Variants in COX7A2L observed in about 807,000 individuals in gnomAD.
The protein encoded by COX7A2L is cytochrome c oxidase subunit 7A2-like, mitochondrial.
COX7A2L carries 18 observed loss-of-function variants against 14.2 expected under a neutral mutation model. The ratio of observed to expected loss-of-function variants is 1.27; its 90% CI spans 0.88 to 1.88. The LOEUF is 1.88. Ranked by LOEUF, COX7A2L falls within the 40% of genes most tolerant of loss-of-function variation. The pLI, the probability that COX7A2L is intolerant of heterozygous loss-of-function variation, is 0.00. For synonymous variants in COX7A2L, 65 were observed against 57.4 expected, an observed-to-expected ratio of 1.13 and a Z score of -0.60; for missense variants, 179 against 138.8, an observed-to-expected ratio of 1.29 and a Z score of -1.46.
Position 42,350,851 on chromosome 2 carries a change from G to C in COX7A2L, c.*368C>G, listed in dbSNP as rs996614440. The C allele has an allele frequency of 6.3e-6, 1 of 159,756 alleles. No individual in the cohort carries two copies. The highest frequency in any genetic ancestry group is 2.4e-5 in the African/African-American group (1 of 41,668). The allele number at this position is 159,756 out of a possible 1,614,324, so 9.9% of individuals were successfully genotyped here. On this transcript the variant is annotated 3_prime_UTR_variant, in exon 3 of 3. Coordinates refer to ENST00000234301, the MANE Select transcript of COX7A2L (RefSeq NM_004718.4). ...CCTTGGCTTCTGTGTTCTTTCCATA[G>C]CCACATCCAAATCCAGAAAGGCTCC... is the stretch of plus-strand genomic sequence containing the variant.
Position 42,338,401 on chromosome 2 carries a change from T to A in COX7A2L, c.193-4532A>T, listed in dbSNP as rs1050741723. 3.3e-5 allele frequency among the ~76,000 whole-genome samples: 5 copies of A among 152,100 alleles called. No homozygotes were observed. The highest frequency in any genetic ancestry group is 9.7e-5 in the African/African-American group (4 of 41,420). On this transcript the variant is annotated intron_variant, in intron 2 of 2. Coordinates refer to the COX7A2L transcript ENST00000468711. The surrounding 1 kb of genome is among the most constrained non-coding windows in gnomAD (Gnocchi z 4.4). ...CTCTCTAGCAGAGCCCTCCCAAGAC[T>A]GCCGCAGAACTGAGATGAGGTGACC...
upstream of COX7A2L, among the ~76,000 whole-genome samples, chr2:42,363,911 G>A (rs1018755873): frequency 1.8e-4 from 27 of 152,304 alleles, no homozygotes; most frequent in African/African-American, 6.5e-4. Flanking sequence ...CATTTGTGAG[G>A]GGTGTGTGCT....
At chr2:42,354,238 G>A (rs1670744386) in intron 1 of COX7A2L, among the ~76,000 whole-genome samples, 1 of 152,114 alleles carries the variant, frequency 6.6e-6, no homozygotes, top group Admixed American at 6.5e-5. Context: ...CAACTTGTAT[G>A]CTATGTAAAT....
In COX7A2L at chr2:42,338,209, G is replaced by A. The variant is rs1017771744; in HGVS notation, c.193-4340C>T. Among the ~76,000 whole-genome samples, 4 of 152,294 alleles carry A rather than the reference G, an allele frequency of 2.6e-5. No homozygotes were observed. The South Asian group carries it at 6.2e-4, about 24-fold the overall frequency. On this transcript the variant is annotated intron_variant, in intron 2 of 2. Coordinates refer to the COX7A2L transcript ENST00000468711. The surrounding 1 kb of genome is among the most constrained non-coding windows in gnomAD (Gnocchi z 4.4). ...TCCGTGTTTCTCCCCCAGCCGCAGC[G>A]GCCAGGGAGCCGCTCCTCGTCTTGC...
In COX7A2L at chr2:42,351,037, G is replaced by C; in HGVS notation, c.*182C>G. ...TCTTTAAACAATGGCTTTAACTGTC[G>C]AATGAGCTCTGACAAGCCATATGCA... On this transcript the variant is annotated 3_prime_UTR_variant, in exon 3 of 3. Coordinates refer to ENST00000234301, the MANE Select transcript of COX7A2L (RefSeq NM_004718.4). 1.7e-6 allele frequency: 1 copy of C among 595,902 alleles called. No individual in the cohort carries two copies. The highest frequency in any genetic ancestry group is 3.1e-5 in the East Asian group (1 of 32,756). 36.9% of individuals were successfully genotyped at this position (595,902 alleles called of 1,614,324 possible). A position where few individuals can be genotyped will look rare whatever the true frequency, so the allele number is the denominator to read the frequency against.
intron 2 of COX7A2L, 116 bp from the exon 3 acceptor site, chr2:42,351,475 G>C (rs1348740098): frequency 1.7e-6 from 2 of 1,169,716 alleles, no homozygotes; most frequent in Non-Finnish European, 2.4e-6. Flanking sequence ...CATGACAGTG[G>C]GAAAAGCACT....
downstream of COX7A2L, among the ~76,000 whole-genome samples, chr2:42,346,575 C>G (rs1178925975): frequency 6.6e-6 from 1 of 152,050 alleles, no homozygotes. Flanking sequence ...GCCAGGAGTT[C>G]AAGACCAGCC....
At chr2:42,352,357 T>C (rs1572792417) in intron 2 of COX7A2L, among the ~76,000 whole-genome samples, 1 of 151,900 alleles carries the variant, frequency 6.6e-6, no homozygotes, top group Admixed American at 6.6e-5. Context: ...AGAGGCAGGG[T>C]CTCGTTATGC....
At position 42,352,848 on chromosome 2, in the gene COX7A2L, C is replaced by T. The variant is rs1036089518; in HGVS notation, c.204+364G>A. 2.2e-5 allele frequency: 6 copies of T among 270,504 alleles called. No homozygotes were observed. In the East Asian group the frequency reaches 4.2e-4, roughly 19 times the overall value. 16.8% of individuals were successfully genotyped at this position (270,504 alleles called of 1,614,324 possible). ...CAAAAAACAATGAGAAAAAAACCCACTGCCAAGTCATTACATGTGTCACGA... is the reference window on the plus strand; with the variant it reads ...CAAAAAACAATGAGAAAAAAACCCATTGCCAAGTCATTACATGTGTCACGA... On this transcript the variant is annotated intron_variant, in intron 2 of 2. Transcript: ENST00000234301.
At chr2:42,367,895 T>C (rs539398877) in intron 1 of COX7A2L, among the ~76,000 whole-genome samples, 15 of 152,348 alleles carry the variant, frequency 9.8e-5, no homozygotes, top group African/African-American at 3.6e-4. Flanking sequence ...CCGTGTCCTC[T>C]TCCCTGGCAC....
At chr2:42,355,882 C>G (rs985360701) in intron 1 of COX7A2L, among the ~76,000 whole-genome samples, 2 of 151,846 alleles carry the variant, frequency 1.3e-5, no homozygotes, top group Non-Finnish European at 2.9e-5. Context: ...CACGCCACCA[C>G]GCCCAGCTAA....
At position 42,350,933 on chromosome 2, in the gene COX7A2L, A is replaced by T; in HGVS notation, c.*286T>A. 1 of 257,466 alleles carries T rather than the reference A, an allele frequency of 3.9e-6. No individual in the cohort carries two copies. Among genetic ancestry groups the T allele is most frequent in the Non-Finnish European group, 7.4e-6 (1 of 135,376 alleles). The allele number at this position is 257,466 out of a possible 1,614,324, so 15.9% of individuals were successfully genotyped here. On this transcript the variant is annotated 3_prime_UTR_variant, in exon 3 of 3. Coordinates refer to ENST00000234301, the MANE Select transcript of COX7A2L (RefSeq NM_004718.4). ...TCCCTGAGGTCCTCAGCACAGACTG[A>T]CATTAACAAGCCTGTGTTCAGCCTT...
intron 1 of COX7A2L, among the ~76,000 whole-genome samples, chr2:42,356,873 C>T (rs753805606): frequency 1.3e-5 from 2 of 152,218 alleles, no homozygotes; most frequent in Non-Finnish European, 2.9e-5. Flanking sequence ...CTGTAGTGAG[C>T]TGTGATCACG....
chr2:42,354,004 T>G (rs557138363), intron 1 of COX7A2L, among the ~76,000 whole-genome samples: 1 of 152,250 alleles, frequency 6.6e-6, no homozygotes, highest in Admixed American at 6.5e-5. Context: ...GACCACATAC[T>G]GTATGACGCC....
rs923061013 is a variant in COX7A2L, at chr2:42,353,278, G to A, written c.138C>T (p.Thr46=). The change falls in exon 2 of 3, where the codon ACC becomes ACT. Residue 46 remains threonine, a synonymous_variant. Coordinates refer to ENST00000234301, the MANE Select transcript of COX7A2L (RefSeq NM_004718.4). ...PIIFATPTKL[T]SDSTVYDYAG... is the part of the protein sequence containing the mutation. Reference sequence around the variant, plus strand: ...CATAATCATACACTGTGGAATCGGAGGTCAGTTTAGTTGGTGTGGCAAATA... The same window carrying A: ...CATAATCATACACTGTGGAATCGGAAGTCAGTTTAGTTGGTGTGGCAAATA... The A allele has an allele frequency of 3.1e-6, 5 of 1,614,146 alleles. No homozygotes were observed. The highest frequency in any genetic ancestry group is 2.7e-5 in the African/African-American group (2 of 75,028).
intron 1 of COX7A2L, among the ~76,000 whole-genome samples, chr2:42,357,358 G>T (rs1234077923): frequency 6.6e-6 from 1 of 152,152 alleles, no homozygotes; most frequent in African/African-American, 2.4e-5. Flanking sequence ...ACCCACGCTG[G>T]AGTGCAACGC....
At chr2:42,357,759 A>T (rs1670872919) in intron 1 of COX7A2L, among the ~76,000 whole-genome samples, 1 of 152,160 alleles carries the variant, frequency 6.6e-6, no homozygotes. Flanking sequence ...AATCATGCTG[A>T]AGCCCTCCCT....
chr2:42,359,288 A>C (rs969056795), intron 1 of COX7A2L: 2 of 152,212 alleles, frequency 1.3e-5, no homozygotes, highest in Non-Finnish European at 2.9e-5. Flanking sequence ...AAAAAAAGGC[A>C]AAACTATCTA....
chr2:42,336,685 C>T (rs556949238), intron 2 of COX7A2L, among the ~76,000 whole-genome samples: 8 of 152,268 alleles, frequency 5.3e-5, no homozygotes, highest in South Asian at 4.1e-4. Flanking sequence ...AAGCTGGAGC[C>T]GTCACCGTAG....
Sources: allele counts gnomAD v4.1 joint callset (sites outside exome capture counted in the v4.1 genomes callset), GRCh38; gene constraint gnomAD v4.1.1; non-coding constraint Gnocchi (gnomAD v3.1); transcripts MANE v1.5; gene names NCBI Gene and HGNC (gene_info 2026-07-23, HGNC 2026-07-21).